ZNF385D: variants seen among roughly 807,000 people sequenced by gnomAD.
ZNF385D encodes zinc finger protein 659.
In ZNF385D, 15 loss-of-function variants were observed where a neutral mutation model predicts 35.8. The observed-to-expected ratio is 0.42, with a 90% CI of 0.28 to 0.64. The LOEUF (loss-of-function observed/expected upper bound fraction) is 0.64, where lower values mean the gene tolerates loss of function less well. Among genes scored for constraint, ZNF385D ranks in the 30% least tolerant of loss-of-function variants. The pLI, the probability that ZNF385D is intolerant of heterozygous loss-of-function variation, is 0.23. For missense variants in ZNF385D, 474 were observed against 494.6 expected (o/e 0.96, Z 0.39); for synonymous variants, 212 against 186.8 (o/e 1.13, Z -1.10).
chr3:21,461,577 T>G (rs1311374217), intron 4 of ZNF385D, among the ~76,000 whole-genome samples: 1 of 149,216 alleles, frequency 6.7e-6, no homozygotes, highest in Non-Finnish European at 1.5e-5. Flanking sequence ...AACAAACAAA[T>G]CTCCTCTTTG....
chr3:21,909,265 C>A (rs1185892797), intron 3 of ZNF385D, among the ~76,000 whole-genome samples: 5 of 152,080 alleles, frequency 3.3e-5, no homozygotes, highest in Non-Finnish European at 7.4e-5. Flanking sequence ...AACTCTGTCA[C>A]TGCACAAAAT....
chr3:22,008,663 T>C (rs73048182), intron 3 of ZNF385D, among the ~76,000 whole-genome samples: 24,753 of 152,180 alleles, frequency 0.16, 2,169 homozygotes, highest in Non-Finnish European at 0.19. Context: ...GCCCGGGCCA[T>C]GCTTTTCTAA....
chr3:21,516,168 C>T (rs1707549157), intron 3 of ZNF385D, among the ~76,000 whole-genome samples: 2 of 152,178 alleles, frequency 1.3e-5, no homozygotes. Flanking sequence ...ACACCAACCT[C>T]AGAGTCTTTG....
chr3:22,142,961 C>A (rs1704607563), intron 3 of ZNF385D, among the ~76,000 whole-genome samples: 1 of 151,760 alleles, frequency 6.6e-6, no homozygotes, highest in South Asian at 2.1e-4. Flanking sequence ...TTTTTCACTG[C>A]CCGTAAGTTT....
intron 3 of ZNF385D, among the ~76,000 whole-genome samples, chr3:21,899,354 T>C (rs2125895333): frequency 6.6e-6 from 1 of 152,288 alleles, no homozygotes; most frequent in East Asian, 1.9e-4. Flanking sequence ...GAAGCAATAG[T>C]TTCTCCCACC....
chr3:21,829,537 G>A (rs1364550186), intron 3 of ZNF385D, among the ~76,000 whole-genome samples: 2 of 152,022 alleles, frequency 1.3e-5, no homozygotes, highest in East Asian at 2.0e-4. Flanking sequence ...ATCCAAATTA[G>A]AAGAGAAAGC....
At chr3:21,859,147 A>G (rs17688340) in intron 3 of ZNF385D, among the ~76,000 whole-genome samples, 60,986 of 151,818 alleles carry the variant, frequency 0.4, 12,424 homozygotes, top group African/African-American at 0.45. Flanking sequence ...TCATTTCTGT[A>G]AATAGTAAGG....
At chr3:22,038,469 A>G (rs1231398683) in intron 3 of ZNF385D, among the ~76,000 whole-genome samples, 3 of 152,148 alleles carry the variant, frequency 2.0e-5, no homozygotes, top group Non-Finnish European at 4.4e-5. Context: ...TATATGCAAT[A>G]GTTAAAATGG....
At chr3:21,713,466 A>C (rs1370471322) in intron 1 of ZNF385D, among the ~76,000 whole-genome samples, 1 of 152,052 alleles carries the variant, frequency 6.6e-6, no homozygotes, top group Non-Finnish European at 1.5e-5. Context: ...ATACATTCTA[A>C]GTGCTCTTCA....
At chr3:22,353,636 G>A (rs1338338350) in intron 2 of ZNF385D, among the ~76,000 whole-genome samples, 1 of 152,062 alleles carries the variant, frequency 6.6e-6, no homozygotes, top group African/African-American at 2.4e-5. Context: ...TTTAGATCTT[G>A]TCTCATGATC....
In ZNF385D at chr3:21,596,425, C is replaced by G. The variant is rs544535995; in HGVS notation, c.166-31741G>C. Among the ~76,000 whole-genome samples, 3 of 152,214 alleles carry G rather than the reference C, an allele frequency of 2.0e-5. No homozygotes were observed. The South Asian group carries it at 6.2e-4, about 32-fold the overall frequency. On this transcript the variant is annotated intron_variant, in intron 2 of 7. Transcript: ENST00000281523. Reference sequence around the variant, plus strand: ...CAAATAGTCTACAAGCTGAATGATACAGGCAAGAGACATATTCTTTATCTG... The same window carrying G: ...CAAATAGTCTACAAGCTGAATGATAGAGGCAAGAGACATATTCTTTATCTG...
chr3:22,216,286 T>A (rs1697879870), intron 2 of ZNF385D, among the ~76,000 whole-genome samples: 1 of 152,006 alleles, frequency 6.6e-6, no homozygotes, highest in Non-Finnish European at 1.5e-5. Context: ...ATTTCATGAA[T>A]ATAAATATTC....
chr3:22,120,336 T>C lies in ZNF385D; in HGVS notation c.325+48481A>G, dbSNP rs543402708. On this transcript the variant is annotated intron_variant, in intron 3 of 5. Coordinates refer to the ZNF385D transcript ENST00000494108. The stretch of plus-strand genomic sequence containing the variant: ...CAGCTTGCAGATGACACCTTCCCAC[T>C]GGGTCCTCACAGGACATTTTCTTTG... Among the ~76,000 whole-genome samples, 116 of 152,190 alleles carry C rather than the reference T, an allele frequency of 7.6e-4. No individual in the cohort carries two copies. In the East Asian group the frequency reaches 0.02, roughly 27 times the overall value.
At chr3:22,168,881 G>A in exon 3 of ZNF385D, 1 of 985,836 alleles carries the variant, frequency 1.0e-6, no homozygotes, top group Non-Finnish European at 1.2e-6. Flanking sequence ...ATTTGCCATT[G>A]TAGTGGATTT....
At chr3:22,049,763 T>G (rs1488303454) in intron 3 of ZNF385D, among the ~76,000 whole-genome samples, 2 of 152,200 alleles carry the variant, frequency 1.3e-5, no homozygotes, top group Non-Finnish European at 2.9e-5. Context: ...AATGATATAT[T>G]TTTTGTTCCT....
At chr3:22,230,083 T>G (rs1698796704) in intron 2 of ZNF385D, among the ~76,000 whole-genome samples, 2 of 152,212 alleles carry the variant, frequency 1.3e-5, no homozygotes, top group African/African-American at 4.8e-5. Context: ...AAATCCTTGT[T>G]AGTCCTGAGG....
chr3:21,530,661 T>C (rs1395054422), intron 3 of ZNF385D, among the ~76,000 whole-genome samples: 2 of 151,820 alleles, frequency 1.3e-5, no homozygotes, highest in Non-Finnish European at 2.9e-5. Flanking sequence ...ATCAAACAAG[T>C]TTTTTTTCGT....
intron 3 of ZNF385D, among the ~76,000 whole-genome samples, chr3:21,929,945 C>A (rs764443331): frequency 1.3e-5 from 2 of 151,994 alleles, no homozygotes; most frequent in African/African-American, 2.4e-5. Context: ...AATTGCCAAG[C>A]TTATCCTAAA....
At chr3:21,880,299 C>A (rs1175433479) in intron 3 of ZNF385D, among the ~76,000 whole-genome samples, 3 of 152,014 alleles carry the variant, frequency 2.0e-5, no homozygotes, top group Non-Finnish European at 4.4e-5. Context: ...AGGTTTGTGG[C>A]AATGCTGTGT....
Sources: allele counts gnomAD v4.1 joint callset (sites outside exome capture counted in the v4.1 genomes callset), GRCh38; gene constraint gnomAD v4.1.1; transcripts MANE v1.5; gene names NCBI Gene and HGNC (gene_info 2026-07-23, HGNC 2026-07-21).